The following QTMAN variants were observed in gnomAD, a reference collection of about 807,000 sequenced individuals.
QTMAN encodes the protein tRNA-queuosine alpha-mannosyltransferase.
At chr2:144,294,329 AGCT>A in the QTMAN span, 1 of 152,334 alleles carries the variant, frequency 6.6e-6, no homozygotes, top group Non-Finnish European at 1.5e-5. Context: ...TTCAGACAGC[AGCT>A]AAGGCTCACT....
the QTMAN span, among the ~76,000 whole-genome samples, chr2:144,089,780 G>A: frequency 6.6e-6 from 1 of 151,916 alleles, no homozygotes; most frequent in South Asian, 2.1e-4. Context: ...GAGAGTGGGG[G>A]AGAGGGGAGG....
chr2:144,260,628 T>C, the QTMAN span, among the ~76,000 whole-genome samples: 4 of 152,148 alleles, frequency 2.6e-5, no homozygotes, highest in East Asian at 1.9e-4. Context: ...ATGCCCACTA[T>C]GTAGAAGTAA....
the QTMAN span, among the ~76,000 whole-genome samples, chr2:144,142,872 A>G: frequency 6.6e-6 from 1 of 152,010 alleles, no homozygotes; most frequent in African/African-American, 2.4e-5. Context: ...CAAACTTAAG[A>G]TTTTTTAAAT....
the QTMAN span, among the ~76,000 whole-genome samples, chr2:144,316,851 T>C: frequency 3.3e-5 from 5 of 152,236 alleles, no homozygotes; most frequent in Non-Finnish European, 5.9e-5. Context: ...AAAAGGTCTC[T>C]GCACAAAATG....
At chr2:144,039,132 T>TA in the QTMAN span, among the ~76,000 whole-genome samples, 9 of 152,070 alleles carry the variant, frequency 5.9e-5, no homozygotes, top group Non-Finnish European at 7.4e-5. Flanking sequence ...AGCATTCCAT[T>TA]AAAAAAAATT....
At chr2:144,170,451 T>C in the QTMAN span, among the ~76,000 whole-genome samples, 1 of 152,158 alleles carries the variant, frequency 6.6e-6, no homozygotes, top group Non-Finnish European at 1.5e-5. Flanking sequence ...GTGGCCCAGA[T>C]GGATGATGCA....
chr2:144,261,678 A>G, the QTMAN span, among the ~76,000 whole-genome samples: 373 of 152,340 alleles, frequency 2.4e-3, 9 homozygotes, highest in East Asian at 0.066. Flanking sequence ...AGACGACTCA[A>G]AAGTATTTTT....
At chr2:144,041,934 A>G in the QTMAN span, among the ~76,000 whole-genome samples, 6 of 152,220 alleles carry the variant, frequency 3.9e-5, no homozygotes, top group African/African-American at 7.2e-5. Flanking sequence ...TTTTGTGTGT[A>G]TATGTGGAGA....
At chr2:143,986,565 T>C in the QTMAN span, among the ~76,000 whole-genome samples, 1 of 152,192 alleles carries the variant, frequency 6.6e-6, no homozygotes, top group African/African-American at 2.4e-5. Context: ...CTGGAGCCTT[T>C]TCTAGGTATA....
the QTMAN span, among the ~76,000 whole-genome samples, chr2:144,297,735 C>T: frequency 6.6e-6 from 1 of 151,626 alleles, no homozygotes; most frequent in Non-Finnish European, 1.5e-5. Flanking sequence ...TGCGTGCCAC[C>T]ACACCTGGCT....
At chr2:144,261,634 T>C in the QTMAN span, among the ~76,000 whole-genome samples, 1 of 152,186 alleles carries the variant, frequency 6.6e-6, no homozygotes, top group Non-Finnish European at 1.5e-5. Context: ...TGCTAAAAAG[T>C]GTAGTATTTA....
At chr2:144,075,392 G>T in the QTMAN span, among the ~76,000 whole-genome samples, 7 of 152,100 alleles carry the variant, frequency 4.6e-5, no homozygotes, top group Non-Finnish European at 8.8e-5. Flanking sequence ...ATTAAGCATG[G>T]GAATAACCCA....
the QTMAN span, among the ~76,000 whole-genome samples, chr2:144,013,295 C>T: frequency 6.6e-6 from 1 of 152,084 alleles, no homozygotes; most frequent in Non-Finnish European, 1.5e-5. Flanking sequence ...AACCTGTCCA[C>T]CTCCTCCTCA....
chr2:144,308,167 T>G, the QTMAN span, among the ~76,000 whole-genome samples: 3 of 146,186 alleles, frequency 2.1e-5, no homozygotes, highest in Admixed American at 6.8e-5. Context: ...TGGTTGTTTT[T>G]TTTTTTTTTT....
chr2:144,151,081 G>A, the QTMAN span, among the ~76,000 whole-genome samples: 1 of 152,080 alleles, frequency 6.6e-6, no homozygotes. Context: ...TTTGTGGTAA[G>A]AACAATAGGA....
the QTMAN span, chr2:144,237,125 T>A: frequency 6.6e-6 from 1 of 152,114 alleles, no homozygotes; most frequent in African/African-American, 2.4e-5. Flanking sequence ...CTTTGGGGAA[T>A]GGGAGAAGGA....
At chr2:143,970,770 T>A in the QTMAN span, 1 of 1,384,472 alleles carries the variant, frequency 7.2e-7, no homozygotes. Flanking sequence ...TCCCTGGAAA[T>A]AAACACACAA....
At chr2:144,191,532 G>C in the QTMAN span, among the ~76,000 whole-genome samples, 1 of 152,062 alleles carries the variant, frequency 6.6e-6, no homozygotes, top group African/African-American at 2.4e-5. Flanking sequence ...AACACAATTA[G>C]AATACTGGAT....
chr2:144,152,827 G>A, the QTMAN span, among the ~76,000 whole-genome samples: 2 of 152,130 alleles, frequency 1.3e-5, no homozygotes, highest in African/African-American at 4.8e-5. Context: ...GAAATAAGCC[G>A]TAAATACAGG....
Sources: gnomAD v4.1 joint callset for allele counts (sites outside exome capture counted in the v4.1 genomes callset) on GRCh38, gnomAD v4.1.1 for gene constraint, MANE v1.5 for transcripts, NCBI Gene and HGNC (gene_info 2026-07-23, HGNC 2026-07-21) for gene names.